Variants in ZFHX3 observed in about 807,000 individuals in gnomAD.
ZFHX3 encodes the protein zinc finger homeobox 3.
A neutral mutation model predicts 279.1 loss-of-function variants in ZFHX3; 42 were observed. That is an observed-to-expected ratio of 0.15 (90% confidence interval 0.12 to 0.19). ZFHX3 has a LOEUF of 0.19. Among genes scored for constraint, ZFHX3 ranks in the 10% least tolerant of loss-of-function variants. ZFHX3 has a pLI of 1.00. For missense variants in ZFHX3, 4,981 were observed against 4,754.0 expected (o/e 1.05, Z -1.40); for synonymous variants, 2,293 against 1,957.8 (o/e 1.17, Z -4.52).
intron 1 of ZFHX3, among the ~76,000 whole-genome samples, chr16:73,003,633 G>A (rs1342474438): frequency 6.6e-6 from 1 of 152,064 alleles, no homozygotes; most frequent in Non-Finnish European, 1.5e-5. Context: ...CTGAACCAGG[G>A]AGGCAGGGAT....
At chr16:72,900,794 T>G (rs2039016094) in intron 3 of ZFHX3, among the ~76,000 whole-genome samples, 1 of 152,198 alleles carries the variant, frequency 6.6e-6, no homozygotes, top group African/African-American at 2.4e-5. Context: ...CAGGTCATCA[T>G]GACGCCGATC....
Position 73,664,437 on chromosome 16 carries a change from A to G in ZFHX3, c.-1547+15743T>C, listed in dbSNP as rs944340215. Among the ~76,000 whole-genome samples the G allele has an allele frequency of 2.6e-5, 4 of 152,252 alleles. No individual in the cohort carries two copies. The East Asian group carries it at 5.8e-4, about 22-fold the overall frequency. Reference sequence around the variant, plus strand: ...TATATGCAGTACATATATTCGTTCTATGTAACAACCACATATTTATATTCT... The same window carrying G: ...TATATGCAGTACATATATTCGTTCTGTGTAACAACCACATATTTATATTCT... On this transcript the variant is annotated intron_variant, in intron 2 of 17. Coordinates refer to the ZFHX3 transcript ENST00000641206.
intron 1 of ZFHX3, among the ~76,000 whole-genome samples, chr16:73,720,290 C>T (rs1177397997): frequency 6.6e-6 from 1 of 152,186 alleles, no homozygotes; most frequent in African/African-American, 2.4e-5. Context: ...AAAATATTTA[C>T]ACTCTTTGGC....
chr16:72,800,687 G>C (rs968195947), intron 7 of ZFHX3, among the ~76,000 whole-genome samples: 1 of 152,160 alleles, frequency 6.6e-6, no homozygotes, highest in African/African-American at 2.4e-5. Context: ...AGATTTTCCA[G>C]GAAAACAACA....
intron 3 of ZFHX3, among the ~76,000 whole-genome samples, chr16:73,386,511 T>C (rs1485415435): frequency 2.6e-5 from 4 of 152,210 alleles, no homozygotes; most frequent in African/African-American, 9.7e-5. Context: ...ATAAAAATAA[T>C]ATTACGGACA....
Position 73,086,529 on chromosome 16 carries a change from C to CTT in ZFHX3, c.-533+6705_-533+6706insAA, listed in dbSNP as rs1567659836. On this transcript the variant is annotated intron_variant, in intron 8 of 17. Transcript: ENST00000641206. Reference sequence around the variant, plus strand: ...TACACAATGGAATATTACTCAGCTACAAAAAAAGAATTAAATCCTGTCATT... The same window carrying CTT: ...TACACAATGGAATATTACTCAGCTACTTAAAAAAAGAATTAAATCCTGTCATT... Among the ~76,000 whole-genome samples, 3 of 151,948 alleles carry CTT rather than the reference C, an allele frequency of 2.0e-5. No homozygotes were observed. The East Asian group carries it at 5.8e-4, about 29-fold the overall frequency.
chr16:73,795,669 C>T (rs1399924006), intron 1 of ZFHX3, among the ~76,000 whole-genome samples: 1 of 152,218 alleles, frequency 6.6e-6, no homozygotes, highest in African/African-American at 2.4e-5. Context: ...GCCACTGCTG[C>T]CCAGTTTCCA....
At chr16:73,119,181 G>T (rs1272603970) in intron 7 of ZFHX3, among the ~76,000 whole-genome samples, 1 of 152,052 alleles carries the variant, frequency 6.6e-6, no homozygotes, top group East Asian at 1.9e-4. Context: ...ATGGCTCACT[G>T]CAGCCTCAAA....
intron 7 of ZFHX3, among the ~76,000 whole-genome samples, chr16:72,811,252 T>G (rs2036435270): frequency 6.6e-6 from 1 of 152,204 alleles, no homozygotes; most frequent in Admixed American, 6.5e-5. Flanking sequence ...AAGAGCAATC[T>G]AGTTCATGAC....
At chr16:73,009,444 G>A (rs1349405209) in intron 1 of ZFHX3, among the ~76,000 whole-genome samples, 2 of 151,886 alleles carry the variant, frequency 1.3e-5, no homozygotes, top group African/African-American at 4.8e-5. Context: ...CATTATTAGT[G>A]AGATGTGGTT....
At chr16:73,016,561 T>G (rs1964110204) in intron 1 of ZFHX3, among the ~76,000 whole-genome samples, 1 of 152,178 alleles carries the variant, frequency 6.6e-6, no homozygotes, top group Non-Finnish European at 1.5e-5. Context: ...TCTCTTTTCC[T>G]CTTGCTTCTC....
chr16:73,474,828 T>C (rs1265018788), intron 2 of ZFHX3, among the ~76,000 whole-genome samples: 1 of 152,208 alleles, frequency 6.6e-6, no homozygotes, highest in Non-Finnish European at 1.5e-5. Context: ...GTTATGTCGA[T>C]TAACCTATGA....
chr16:73,306,843 C>T (rs188479002), intron 4 of ZFHX3, among the ~76,000 whole-genome samples: 31 of 152,322 alleles, frequency 2.0e-4, no homozygotes, highest in African/African-American at 5.1e-4. Flanking sequence ...GCCAATGCTA[C>T]GTTATCATTT....
chr16:73,498,754 G>A (rs924871593), intron 2 of ZFHX3, among the ~76,000 whole-genome samples: 4 of 152,140 alleles, frequency 2.6e-5, no homozygotes, highest in East Asian at 1.9e-4. Context: ...CATCTGAGCC[G>A]GGAGCTCTCG....
chr16:73,638,676 C>T (rs1052712988), intron 2 of ZFHX3, among the ~76,000 whole-genome samples: 2 of 152,180 alleles, frequency 1.3e-5, no homozygotes, highest in East Asian at 3.9e-4. Context: ...GGCCAAGTGT[C>T]TGTGTTTCTC....
chr16:72,846,251 A>G (rs556616580), intron 4 of ZFHX3, among the ~76,000 whole-genome samples: 5 of 152,374 alleles, frequency 3.3e-5, no homozygotes, highest in African/African-American at 1.2e-4. Flanking sequence ...GGAAGCTCAG[A>G]GAGGGTGGCA....
chr16:73,097,014 A>ATCTCT (rs771252994), intron 7 of ZFHX3, among the ~76,000 whole-genome samples: 1 of 151,592 alleles, frequency 6.6e-6, no homozygotes, highest in East Asian at 1.9e-4. Flanking sequence ...ATCTCATCTC[A>ATCTCT]TCTCTTCTCT....
chr16:73,663,903 T>G (rs2052809773), intron 2 of ZFHX3, among the ~76,000 whole-genome samples: 1 of 152,208 alleles, frequency 6.6e-6, no homozygotes, highest in African/African-American at 2.4e-5. Context: ...CACCTCAGTC[T>G]CATGCACTGA....
chr16:73,053,719 C>A (rs1195879357), intron 1 of ZFHX3, among the ~76,000 whole-genome samples: 1 of 152,168 alleles, frequency 6.6e-6, no homozygotes, highest in Non-Finnish European at 1.5e-5. Context: ...GCCTTTGAAC[C>A]CAGACCTGGC....
Sources: allele counts gnomAD v4.1 joint callset (sites outside exome capture counted in the v4.1 genomes callset), GRCh38; gene constraint gnomAD v4.1.1; transcripts MANE v1.5; gene names NCBI Gene and HGNC (gene_info 2026-07-23, HGNC 2026-07-21).